MIER2: variants seen among roughly 807,000 people sequenced by gnomAD.
The protein encoded by MIER2 is MIER family member 2.
A neutral mutation model predicts 67.6 loss-of-function variants in MIER2; 30 were observed. The observed-to-expected ratio is 0.44, with a 90% CI of 0.33 to 0.60. MIER2 has a LOEUF of 0.60. Among genes scored for constraint, MIER2 ranks in the 20% least tolerant of loss-of-function variants. The pLI, the probability that MIER2 is intolerant of heterozygous loss-of-function variation, is 0.02. For missense variants in MIER2, 702 were observed against 745.1 expected, an observed-to-expected ratio of 0.94 and a Z score of 0.67; for synonymous variants, 372 against 312.6, an observed-to-expected ratio of 1.19 and a Z score of -2.00.
intron 1 of MIER2, among the ~76,000 whole-genome samples, 183 bp from the exon 2 acceptor site, chr19:336,356 C>T (rs758368054): frequency 1.3e-5 from 2 of 152,218 alleles, no homozygotes; most frequent in Non-Finnish European, 2.9e-5. Context: ...GGCCGCCACT[C>T]GCCCCGCCTC....
chr19:323,618 T>A (rs530147475), intron 7 of MIER2, among the ~76,000 whole-genome samples: 2 of 135,056 alleles, frequency 1.5e-5, no homozygotes, highest in African/African-American at 2.8e-5. Flanking sequence ...CACACAACCA[T>A]GGCATCCAAA....
At chr19:335,674 G>A (rs1451128625) in intron 2 of MIER2, among the ~76,000 whole-genome samples, 4 of 152,202 alleles carry the variant, frequency 2.6e-5, no homozygotes, top group African/African-American at 4.8e-5. Flanking sequence ...TGCCCACTGG[G>A]CAAGCAGCAG....
chr19:336,903 C>T (rs929685830), intron 1 of MIER2, among the ~76,000 whole-genome samples: 67 of 151,950 alleles, frequency 4.4e-4, no homozygotes, highest in African/African-American at 1.5e-3. Flanking sequence ...AGTGCAGTGG[C>T]GCAATCTTGG....
chr19:335,731 T>C (rs1303855780), intron 2 of MIER2, among the ~76,000 whole-genome samples: 1 of 152,100 alleles, frequency 6.6e-6, no homozygotes, highest in Non-Finnish European at 1.5e-5. Flanking sequence ...CTCGCCGCCC[T>C]CCACCTTCTC....
At chr19:307,844 T>G (rs536172364) in intron 12 of MIER2, among the ~76,000 whole-genome samples, 6 of 152,164 alleles carry the variant, frequency 3.9e-5, no homozygotes, top group Non-Finnish European at 8.8e-5. Context: ...ATACAGGGTC[T>G]GTGGAATACA....
intron 10 of MIER2, among the ~76,000 whole-genome samples, 191 bp downstream of exon 10, chr19:311,654 G>C (rs1004225519): frequency 6.6e-6 from 1 of 152,184 alleles, no homozygotes; most frequent in Non-Finnish European, 1.5e-5. Context: ...TTGTTCTTGT[G>C]GGGACAGGAA....
chr19:343,070 G>C (rs1009633090), intron 1 of MIER2, among the ~76,000 whole-genome samples: 1 of 152,184 alleles, frequency 6.6e-6, no homozygotes, highest in Non-Finnish European at 1.5e-5. Context: ...TCCTCAGGCC[G>C]AGGACAGAGC....
At chr19:318,180 T>C (rs1265302840) in intron 7 of MIER2, among the ~76,000 whole-genome samples, 1 of 152,064 alleles carries the variant, frequency 6.6e-6, no homozygotes, top group African/African-American at 2.4e-5. Flanking sequence ...CTCCAGAGAC[T>C]CCGTCTCAAA....
chr19:329,333 G>C (rs1160646061), intron 3 of MIER2, among the ~76,000 whole-genome samples: 1 of 152,206 alleles, frequency 6.6e-6, no homozygotes, highest in Non-Finnish European at 1.5e-5. Context: ...GGATTATGAA[G>C]GTGGGAAGGT....
rs759081153 is a variant in MIER2, at chr19:306,679, G to A, written c.*11C>T. The A allele has an allele frequency of 2.2e-5, 35 of 1,555,880 alleles. No homozygotes were observed. The highest frequency in any genetic ancestry group is 5.9e-5 in the South Asian group (5 of 84,326). On this transcript the variant is annotated 3_prime_UTR_variant, in exon 14 of 14. Transcript: ENST00000264819. ...CCAGTCTGGGCCGCATACGCCGCCC[G>A]CGGCCAGGAGTCAGCAGGTCATCAC...
intron 1 of MIER2, among the ~76,000 whole-genome samples, chr19:337,230 G>A (rs541430905): frequency 2.0e-5 from 3 of 152,190 alleles, no homozygotes; most frequent in Admixed American, 6.5e-5. Flanking sequence ...TATAAGCCAC[G>A]ACCAAGTAAG....
At chr19:307,934 G>A (rs1343767609) in intron 12 of MIER2, among the ~76,000 whole-genome samples, 1 of 146,426 alleles carries the variant, frequency 6.8e-6, no homozygotes, top group African/African-American at 2.7e-5. Context: ...CACAGGCAGC[G>A]CAAGGGGCCT....
chr19:320,677 T>A (rs995485064), intron 7 of MIER2, among the ~76,000 whole-genome samples: 1 of 152,164 alleles, frequency 6.6e-6, no homozygotes, highest in Non-Finnish European at 1.5e-5. Context: ...ACACTCCTTA[T>A]GAGAATCTAA....
At chr19:324,617 AGAC>A (rs1303822018) in intron 7 of MIER2, among the ~76,000 whole-genome samples, 1 of 150,698 alleles carries the variant, frequency 6.6e-6, no homozygotes, top group Non-Finnish European at 1.5e-5. Context: ...ACAACCACGC[AGAC>A]GACTCGAATG....
At chr19:320,106 G>A (rs1189526023) in intron 7 of MIER2, among the ~76,000 whole-genome samples, 1 of 152,162 alleles carries the variant, frequency 6.6e-6, no homozygotes, top group Admixed American at 6.5e-5. Context: ...CGGGTGCAGT[G>A]GCTCATGAGT....
In MIER2 at chr19:334,625, G is replaced by A. The variant is rs1972161357; in HGVS notation, c.101-83C>T. 12 of 1,540,028 alleles carry A rather than the reference G, an allele frequency of 7.8e-6. 1 individual carries two copies. The South Asian group carries it at 1.2e-4, about 16-fold the overall frequency. On this transcript the variant is annotated intron_variant, in intron 2 of 13. Transcript: ENST00000264819. The stretch of plus-strand genomic sequence containing the variant: ...GCCGAGACTACTGACGCCTGGTGAA[G>A]CCCTAAGGATGAGGCCCTCTGCATG...
rs747790897 is a variant in MIER2 at position 327,266 on chromosome 19, A to G, written c.370-10T>C. 2 of 1,575,960 alleles carry G rather than the reference A, an allele frequency of 1.3e-6. No individual in the cohort carries two copies. The highest frequency in any genetic ancestry group is 1.7e-6 in the Non-Finnish European group (2 of 1,170,018). ...CCTTCGCTATTTGTTCCTTTAAAAA[A>G]AAAAAAAAAAGTAAAGAACATTTTA... On this transcript the variant is annotated splice_polypyrimidine_tract_variant and intron_variant, in intron 4 of 13. Coordinates refer to ENST00000264819, the MANE Select transcript of MIER2 (RefSeq NM_017550.3).
In MIER2 at chr19:344,231, CG is replaced by C. The variant is rs1422595519; in HGVS notation, c.9+542del. On this transcript the variant is annotated intron_variant, in intron 1 of 13. Transcript: ENST00000264819. ...CAGTTCGCGCCAGGCGGGTCCGCGT[CG>C]GGAGTTCAAATCCCGCCCGGGGTCT... The C allele has an allele frequency of 6.0e-5, 59 of 985,384 alleles. 1 individual carries two copies. The highest frequency in any genetic ancestry group is 5.2e-4 in the Middle Eastern group (1 of 1,914). 61.0% of individuals were successfully genotyped at this position (985,384 alleles called of 1,614,324 possible). A position where few individuals can be genotyped will look rare whatever the true frequency, so the allele number is the denominator to read the frequency against.
At chr19:342,710 G>A (rs868849975) in intron 1 of MIER2, among the ~76,000 whole-genome samples, 3 of 151,464 alleles carry the variant, frequency 2.0e-5, no homozygotes, top group Non-Finnish European at 2.9e-5. Context: ...TACTGATCAC[G>A]TGCTATAAAG....
Sources: allele counts gnomAD v4.1 joint callset (sites outside exome capture counted in the v4.1 genomes callset), GRCh38; gene constraint gnomAD v4.1.1; transcripts MANE v1.5; gene names NCBI Gene and HGNC (gene_info 2026-07-23, HGNC 2026-07-21).